ERGIC2: variants seen among roughly 807,000 people sequenced by gnomAD.
ERGIC2 encodes the protein ERGIC and golgi 2, also known as endoplasmic reticulum-Golgi intermediate compartment protein 2.
ERGIC2 carries 31 observed loss-of-function variants against 52.5 expected under a neutral mutation model. That is an observed-to-expected ratio of 0.59 (90% CI 0.44 to 0.80). The LOEUF (loss-of-function observed/expected upper bound fraction) is 0.80, where lower values mean the gene tolerates loss of function less well. Among genes scored for constraint, ERGIC2 ranks in the 30% least tolerant of loss-of-function variants. ERGIC2 has a pLI of 0.00. For missense variants in ERGIC2, 395 were observed against 455.2 expected (o/e 0.87, Z 1.20); for synonymous variants, 129 against 140.6 (o/e 0.92, Z 0.58).
chr12:29,373,928 T>C (rs1480743036), intron 1 of ERGIC2, among the ~76,000 whole-genome samples: 1 of 152,188 alleles, frequency 6.6e-6, no homozygotes, highest in South Asian at 2.1e-4. Context: ...TCAAATTTAT[T>C]TTCTGTACCT....
At chr12:29,349,646 G>C (rs1260094120) in intron 9 of ERGIC2, among the ~76,000 whole-genome samples, 1 of 151,978 alleles carries the variant, frequency 6.6e-6, no homozygotes, top group East Asian at 1.9e-4. Flanking sequence ...CAGACTTTAA[G>C]AACTTAAGTC....
chr12:29,341,402 T>C (rs1324964337), intron 13 of ERGIC2, among the ~76,000 whole-genome samples, 184 bp from the exon 14 acceptor site: 1 of 110,710 alleles, frequency 9.0e-6, no homozygotes, highest in Non-Finnish European at 1.8e-5. Context: ...GGGTCTGCTC[T>C]GTCACCCAGG....
rs897893266 is a variant in ERGIC2 at position 29,338,213 on chromosome 12, C to A, written c.*2943G>T. On this transcript the variant is annotated 3_prime_UTR_variant, in exon 14 of 14. Transcript: ENST00000360150. ...AAAAATTAGAACTTAGTCATTCCTT[C>A]ATGAATTCCAAAATTAAGATTGTAT... 1 of 151,064 alleles carries A rather than the reference C, an allele frequency of 6.6e-6. No homozygotes were observed. Among genetic ancestry groups the A allele is most frequent in the African/African-American group, 2.4e-5 (1 of 41,098 alleles). The allele number at this position is 151,064 out of a possible 1,614,324, so 9.4% of individuals were successfully genotyped here.
rs973733365 is a variant in ERGIC2 at position 29,362,497 on chromosome 12, T to C, written c.334-812A>G. ...CTGTAATCCCAGCTACTCAAGAGGC[T>C]GAAGCACGAGAATTGCTTGAACCCG... On this transcript the variant is annotated intron_variant, in intron 5 of 13. Transcript: ENST00000360150. 5.9e-5 allele frequency among the ~76,000 whole-genome samples: 9 copies of C among 152,034 alleles called. No homozygotes were observed. The East Asian group carries it at 1.4e-3, about 23-fold the overall frequency.
chr12:29,369,675 T>C (rs2136877318), intron 3 of ERGIC2, among the ~76,000 whole-genome samples: 1 of 152,128 alleles, frequency 6.6e-6, no homozygotes, highest in South Asian at 2.1e-4. Context: ...TAAGGTACTA[T>C]ATTTTCAAAA....
chr12:29,379,128 G>C (rs777286631), intron 1 of ERGIC2, among the ~76,000 whole-genome samples: 5 of 152,114 alleles, frequency 3.3e-5, no homozygotes, highest in Non-Finnish European at 5.9e-5. Flanking sequence ...GTGCCTAGTA[G>C]CAATGTGAAG....
At position 29,341,368 on chromosome 12, in the gene ERGIC2, T is replaced by C; in HGVS notation, c.1072-150A>G. Reference sequence around the variant, plus strand: ...CTCTCTCCCCCTATTTCTCTATCTCTCTATCTCTATCTTTTTTGAGGCAGG... The same window carrying C: ...CTCTCTCCCCCTATTTCTCTATCTCCCTATCTCTATCTTTTTTGAGGCAGG... On this transcript the variant is annotated intron_variant, in intron 13 of 13. Transcript: ENST00000360150. The C allele has an allele frequency of 5.9e-6, 4 of 678,340 alleles. No individual in the cohort carries two copies. The South Asian group carries it at 7.5e-5, about 13-fold the overall frequency. 42.0% of individuals were successfully genotyped at this position (678,340 alleles called of 1,614,324 possible).
At chr12:29,353,429 C>A (rs144052581) in intron 8 of ERGIC2, among the ~76,000 whole-genome samples, 109 of 152,246 alleles carry the variant, frequency 7.2e-4, no homozygotes, top group Middle Eastern at 6.8e-3. Flanking sequence ...TTGAATATCC[C>A]TTATCCAAAA....
intron 7 of ERGIC2, 127 bp downstream of exon 7, chr12:29,357,496 T>C (rs1369152983): frequency 6.4e-6 from 4 of 624,896 alleles, no homozygotes; most frequent in Non-Finnish European, 1.1e-5. Flanking sequence ...GTCTTTATAG[T>C]ACAGAATGAT....
intron 6 of ERGIC2, among the ~76,000 whole-genome samples, chr12:29,359,185 G>A (rs974625111): frequency 6.6e-6 from 1 of 151,616 alleles, no homozygotes; most frequent in African/African-American, 2.4e-5. Context: ...TGATAATCTA[G>A]GATGCTTCAA....
Position 29,340,637 on chromosome 12 carries a change from C to T in ERGIC2, c.*519G>A, listed in dbSNP as rs113590327. On this transcript the variant is annotated 3_prime_UTR_variant, in exon 14 of 14. Coordinates refer to ENST00000360150, the MANE Select transcript of ERGIC2 (RefSeq NM_016570.3). ...TGGCTTAACATTAATATGGCTATAACATAGGGACTAGCCCGTTTTTTTTTT... is the reference window on the plus strand; with the variant it reads ...TGGCTTAACATTAATATGGCTATAATATAGGGACTAGCCCGTTTTTTTTTT... 4.2e-5 allele frequency: 11 copies of T among 261,786 alleles called. 1 individual carries two copies. Among genetic ancestry groups the T allele is most frequent in the African/African-American group, 1.9e-4 (8 of 42,864 alleles). The allele number at this position is 261,786 out of a possible 1,614,324, so 16.2% of individuals were successfully genotyped here.
intron 10 of ERGIC2, among the ~76,000 whole-genome samples, chr12:29,348,407 G>T (rs1940087261): frequency 6.6e-6 from 1 of 151,978 alleles, no homozygotes; most frequent in African/African-American, 2.4e-5. Flanking sequence ...CTGGAACATG[G>T]TATATAATAT....
At chr12:29,363,741 T>A (rs958225094) in intron 5 of ERGIC2, among the ~76,000 whole-genome samples, 2 of 146,412 alleles carry the variant, frequency 1.4e-5, no homozygotes, top group Non-Finnish European at 3.0e-5. Context: ...GATGAAAGAA[T>A]GAAATTAATG....
rs532302144 is a variant in ERGIC2, at chr12:29,340,190, T to C, written c.*966A>G. The C allele has an allele frequency of 1.3e-5, 2 of 152,306 alleles. No individual in the cohort carries two copies. Among genetic ancestry groups the C allele is most frequent in the African/African-American group, 4.8e-5 (2 of 41,574 alleles). 9.4% of individuals were successfully genotyped at this position (152,306 alleles called of 1,614,324 possible). ...GGCACCTCTCAAATCTGATATATCT[T>C]GTGGTGCTTACAATTTGCCTTACAC... On this transcript the variant is annotated 3_prime_UTR_variant, in exon 14 of 14. Coordinates refer to ENST00000360150, the MANE Select transcript of ERGIC2 (RefSeq NM_016570.3).
Position 29,349,076 on chromosome 12 carries a change from T to C in ERGIC2, c.727+3A>G, listed in dbSNP as rs1422619652. Reference sequence around the variant, plus strand: ...AATCCAACAATAATTATTAAATACTTACGATCTATAGCAATTTTTTCAGTT... The same window carrying C: ...AATCCAACAATAATTATTAAATACTCACGATCTATAGCAATTTTTTCAGTT... On this transcript the variant is annotated splice_donor_region_variant and intron_variant, in intron 10 of 13. Coordinates refer to ENST00000360150, the MANE Select transcript of ERGIC2 (RefSeq NM_016570.3). The C allele has an allele frequency of 4.8e-6, 7 of 1,453,506 alleles. No homozygotes were observed. Among genetic ancestry groups the C allele is most frequent in the Non-Finnish European group, 5.6e-6 (6 of 1,067,002 alleles). 90.0% of individuals were successfully genotyped at this position (1,453,506 alleles called of 1,614,324 possible).
At chr12:29,345,682 CGAA>C (rs1565535923) in intron 10 of ERGIC2, 142 bp from the exon 11 acceptor site, 2 of 625,716 alleles carry the variant, frequency 3.2e-6, no homozygotes, top group East Asian at 2.9e-5. Context: ...GGGAGGCTGA[CGAA>C]GGAGGACTGC....
chr12:29,359,923 C>A (rs961854026), intron 6 of ERGIC2, among the ~76,000 whole-genome samples: 1 of 151,858 alleles, frequency 6.6e-6, no homozygotes, highest in Non-Finnish European at 1.5e-5. Flanking sequence ...AAAAATAATT[C>A]TTCTAAGAAA....
At chr12:29,346,827 A>G (rs1159682015) in intron 10 of ERGIC2, among the ~76,000 whole-genome samples, 1 of 152,236 alleles carries the variant, frequency 6.6e-6, no homozygotes, top group Non-Finnish European at 1.5e-5. Context: ...AAAACATGTT[A>G]ATTCTCCGGG....
intron 13 of ERGIC2, 93 bp downstream of exon 13, chr12:29,341,641 G>A (rs967584249): frequency 2.8e-6 from 2 of 706,086 alleles, no homozygotes; most frequent in Non-Finnish European, 2.5e-6. Context: ...CCAAAGTCTT[G>A]GGATTACAGG....
Sources: allele counts gnomAD v4.1 joint callset (sites outside exome capture counted in the v4.1 genomes callset), GRCh38; gene constraint gnomAD v4.1.1; transcripts MANE v1.5; gene names NCBI Gene and HGNC (gene_info 2026-07-23, HGNC 2026-07-21).